Variants in GET1 observed in about 807,000 individuals in gnomAD.
GET1 encodes the protein congenital heart disease 5 protein.
In GET1, 20 loss-of-function variants were observed where a neutral mutation model predicts 22.6. That is an observed-to-expected ratio of 0.89 (90% CI 0.62 to 1.29). The LOEUF is 1.29. Among genes scored for constraint, GET1 ranks in the 50% most tolerant of loss-of-function variants. The probability of loss-of-function intolerance (pLI) is 0.00; values close to 1 mark genes in which losing one functional copy is unlikely to be tolerated. For synonymous variants in GET1, 92 were observed against 83.8 expected, an observed-to-expected ratio of 1.10 and a Z score of -0.53; for missense variants, 209 against 219.9, an observed-to-expected ratio of 0.95 and a Z score of 0.31.
intron 1 of GET1, among the ~76,000 whole-genome samples, chr21:39,388,173 A>C (rs1174451534): frequency 6.6e-6 from 1 of 152,068 alleles, no homozygotes; most frequent in African/African-American, 2.4e-5. Flanking sequence ...TCAGGAGTTC[A>C]CTGGCAACAT....
intron 1 of GET1, among the ~76,000 whole-genome samples, chr21:39,389,372 C>A (rs948008735): frequency 2.6e-5 from 4 of 152,032 alleles, no homozygotes; most frequent in African/African-American, 9.7e-5. Flanking sequence ...GCCTTGAACT[C>A]CTGTATACAA....
chr21:39,425,599 T>C (rs1234409558), intron 1 of GET1, among the ~76,000 whole-genome samples: 1 of 152,202 alleles, frequency 6.6e-6, no homozygotes, highest in Admixed American at 6.5e-5. Flanking sequence ...TGTGGTTTTG[T>C]TGAGGCCGTA....
At chr21:39,416,597 A>G (rs1317754114) in intron 1 of GET1, among the ~76,000 whole-genome samples, 1 of 152,078 alleles carries the variant, frequency 6.6e-6, no homozygotes, top group African/African-American at 2.4e-5. Context: ...AGAATATTGC[A>G]TACTTTCACT....
chr21:39,387,851 G>T (rs1451550645), intron 1 of GET1: 14 of 983,986 alleles, frequency 1.4e-5, no homozygotes, highest in Non-Finnish European at 1.7e-5. Flanking sequence ...AGGCGGAGGA[G>T]ACCTGTAAGC....
At chr21:39,428,268 A>G (rs764726175) in exon 2 of GET1, 54 of 1,608,532 alleles carry the variant, frequency 3.4e-5, no homozygotes, top group Non-Finnish European at 4.5e-5. Flanking sequence ...GCCTTTTCTG[A>G]ACAATCACAG....
chr21:39,417,033 G>C (rs2041307958), intron 1 of GET1, among the ~76,000 whole-genome samples: 1 of 151,068 alleles, frequency 6.6e-6, no homozygotes, highest in South Asian at 2.1e-4. Flanking sequence ...TTTAGGGATA[G>C]CTTTTTATTT....
chr21:39,410,492 AAT>A, downstream of GET1: 4 of 562,206 alleles, frequency 7.1e-6, no homozygotes, highest in Non-Finnish European at 6.1e-6. Context: ...CTAAATATTC[AAT>A]ATATATATAA....
Position 39,423,394 on chromosome 21 carries a change from G to A in GET1, c.*24-4838G>A, listed in dbSNP as rs150338806. The A allele has an allele frequency of 8.6e-5, 139 of 1,610,074 alleles. No homozygotes were observed. The African/African-American group carries it at 1.7e-3, about 20-fold the overall frequency. On this transcript the variant is annotated intron_variant, in intron 1 of 1. Transcript: ENST00000478273. ...AAGCCTTGCTGAGAGTATTCGATGA[G>A]CCATAGCATCTCTTCTTTGGGCAAT...
intron 4 of GET1, among the ~76,000 whole-genome samples, chr21:39,404,212 A>G (rs1419880389): frequency 6.6e-6 from 1 of 152,254 alleles, no homozygotes; most frequent in Non-Finnish European, 1.5e-5. Context: ...CTAATTTAAA[A>G]TATCCTAAGT....
rs984543164 is a variant in GET1 at position 39,393,587 on chromosome 21, G to T, written c.451+307G>T. Among the ~76,000 whole-genome samples, 5 of 152,130 alleles carry T rather than the reference G, an allele frequency of 3.3e-5. No individual in the cohort carries two copies. In the South Asian group the frequency reaches 1.0e-3, roughly 32 times the overall value. On this transcript the variant is annotated intron_variant, in intron 4 of 4. Coordinates refer to ENST00000649170, the MANE Select transcript of GET1 (RefSeq NM_004627.6). ...ACACTAGCCGTAGTTCCAAAATTAT[G>T]TATCTTTTCAATCCCTATTATGGTT...
At chr21:39,419,539 A>AAAAG (rs1555897369) in intron 1 of GET1, among the ~76,000 whole-genome samples, 1 of 151,570 alleles carries the variant, frequency 6.6e-6, no homozygotes, top group African/African-American at 2.4e-5. Context: ...AAAAAAAGAA[A>AAAAG]AAAGAAAAAA....
rs375240839 is a variant in GET1, at chr21:39,390,692, T to C, written c.103-6T>C. 69 of 1,613,910 alleles carry C rather than the reference T, an allele frequency of 4.3e-5. No homozygotes were observed. Among genetic ancestry groups the C allele is most frequent in the Non-Finnish European group, 5.8e-5 (69 of 1,179,958 alleles). Reference sequence around the variant, plus strand: ...AGGTGCTGATCCCCGTTGTCCGCCCTGCCAGATGTCCAGGGTGCTGCAGAA... The same window carrying C: ...AGGTGCTGATCCCCGTTGTCCGCCCCGCCAGATGTCCAGGGTGCTGCAGAA... On this transcript the variant is annotated splice_polypyrimidine_tract_variant and splice_region_variant and intron_variant, in intron 1 of 4. Coordinates refer to ENST00000649170, the MANE Select transcript of GET1 (RefSeq NM_004627.6).
Position 39,391,813 on chromosome 21 carries a change from AGT to A in GET1, c.316_317del (p.Val106ArgfsTer28). On this transcript the variant is annotated frameshift_variant, in exon 3 of 5. Transcript: ENST00000649170. LOFTEE classifies it high-confidence loss of function. ...ATTAGCCAAGATAAAATGGGTGATA[AGT>A]GTCGCTTTCTACGTATTGCAGGTAA... ...AQLAKIKWVI[S>X]VAFYVLQAAL... The A allele has an allele frequency of 6.2e-7, 1 of 1,614,174 alleles. No individual in the cohort carries two copies. Among genetic ancestry groups the A allele is most frequent in the Non-Finnish European group, 8.5e-7 (1 of 1,180,020 alleles).
At chr21:39,389,221 C>T (rs1242892954) in intron 1 of GET1, among the ~76,000 whole-genome samples, 1 of 152,180 alleles carries the variant, frequency 6.6e-6, no homozygotes, top group Non-Finnish European at 1.5e-5. Context: ...ATTCACCTGC[C>T]TTGGCCTCCC....
In GET1 at chr21:39,390,739, G is replaced by A; in HGVS notation, c.144G>A (p.Gln48=). Residue 48 remains glutamine (Q), a synonymous_variant, in exon 2 of 5, where the codon CAG becomes CAA. Transcript: ENST00000649170. ...AGAAGGACGCGGAGCAGGAGTCACA[G>A]ATGAGAGCGGAGATCCAGGACATGA... ...VLQKDAEQES[Q]MRAEIQDMKQ... 6.2e-7 allele frequency: 1 copy of A among 1,614,210 alleles called. No individual in the cohort carries two copies. The highest frequency in any genetic ancestry group is 1.1e-5 in the South Asian group (1 of 91,092).
chr21:39,407,069 A>G (rs1292640865), downstream of GET1, among the ~76,000 whole-genome samples: 1 of 152,170 alleles, frequency 6.6e-6, no homozygotes, highest in African/African-American at 2.4e-5. Flanking sequence ...TCTACAAAAA[A>G]TACAAAAATT....
chr21:39,406,254 G>A (rs1228372485), exon 5 of GET1: 2 of 1,614,058 alleles, frequency 1.2e-6, no homozygotes, highest in East Asian at 2.2e-5. Flanking sequence ...ACCTCATGTT[G>A]CCGGCATTGG....
rs995687616 is a variant in GET1, at chr21:39,393,271, A to T, written c.442A>T (p.Arg148Ter). 1.2e-6 allele frequency: 2 copies of T among 1,613,642 alleles called. No homozygotes were observed. The highest frequency in any genetic ancestry group is 2.7e-5 in the African/African-American group (2 of 74,912). ...AGACCGCCTGGTAGCCTTTCCTACT[A>T]GAGTAGCAGGTAAGAATTTTCTGGA... ...PLDRLVAFPT[R>*]VAGGVGITCW... Residue 148 changes from arginine to a stop codon, truncating the protein, a stop_gained, in exon 4 of 5, where the codon AGA becomes TGA. Coordinates refer to ENST00000649170, the MANE Select transcript of GET1 (RefSeq NM_004627.6). LOFTEE classifies it high-confidence loss of function.
At chr21:39,395,875 C>T (rs1169900669) in intron 4 of GET1, among the ~76,000 whole-genome samples, 1 of 152,168 alleles carries the variant, frequency 6.6e-6, no homozygotes, top group Non-Finnish European at 1.5e-5. Flanking sequence ...ATATGTATGC[C>T]TCTCCATTAT....
Sources: gnomAD v4.1 joint callset for allele counts (sites outside exome capture counted in the v4.1 genomes callset) on GRCh38, gnomAD v4.1.1 for gene constraint, MANE v1.5 for transcripts, NCBI Gene and HGNC (gene_info 2026-07-23, HGNC 2026-07-21) for gene names.